Variants in TPH1 observed in about 807,000 individuals in gnomAD.
The protein encoded by TPH1 is tryptophan hydroxylase 1.
In TPH1, 37 loss-of-function variants were observed where a neutral mutation model predicts 49.5. The ratio of observed to expected loss-of-function variants is 0.75; its 90% CI spans 0.58 to 0.98. The LOEUF (loss-of-function observed/expected upper bound fraction) is 0.98, where lower values mean the gene tolerates loss of function less well. TPH1 is among the 50% of genes least tolerant of loss of function. The pLI is 0.00. For synonymous variants in TPH1, 160 were observed against 182.1 expected (o/e 0.88, Z 0.98); for missense variants, 487 against 523.6 (o/e 0.93, Z 0.68).
chr11:18,021,465 T>C (rs1000766162), intron 10 of TPH1, among the ~76,000 whole-genome samples: 2 of 152,246 alleles, frequency 1.3e-5, no homozygotes, highest in Non-Finnish European at 2.9e-5. Flanking sequence ...CATTTATTAC[T>C]GTATACATCT....
chr11:18,042,413 T>TG (rs1848106300), intron 1 of TPH1: 1 of 450,614 alleles, frequency 2.2e-6, no homozygotes, highest in Non-Finnish European at 4.4e-6. Flanking sequence ...ACACAGAGTA[T>TG]GGGCGACGTT....
chr11:18,026,720 G>A, intron 6 of TPH1, 95 bp from the exon 7 acceptor site: 2 of 1,451,612 alleles, frequency 1.4e-6, no homozygotes, highest in Non-Finnish European at 1.9e-6. Flanking sequence ...GTAACACGTT[G>A]ATGGAAGGCA....
At chr11:18,027,924 T>C (rs1392540240) in intron 6 of TPH1, among the ~76,000 whole-genome samples, 1 of 152,258 alleles carries the variant, frequency 6.6e-6, no homozygotes, top group Non-Finnish European at 1.5e-5. Context: ...TGTTGAATAC[T>C]GTTAAGGAGT....
At chr11:18,033,447 G>T (rs893719816) in intron 3 of TPH1, 73 bp from the exon 4 acceptor site, 3 of 1,196,420 alleles carry the variant, frequency 2.5e-6, no homozygotes, top group African/African-American at 3.1e-5. Context: ...AGACAATAAA[G>T]AAGATAAAAT....
At chr11:18,043,436 C>T (rs1228562865) in intron 1 of TPH1, among the ~76,000 whole-genome samples, 1 of 152,128 alleles carries the variant, frequency 6.6e-6, no homozygotes, top group African/African-American at 2.4e-5. Context: ...GAAACCCCGT[C>T]TCTACTAAAA....
intron 10 of TPH1, among the ~76,000 whole-genome samples, chr11:18,021,631 A>AAC (rs139274033): frequency 1.8e-3 from 273 of 151,698 alleles, no homozygotes; most frequent in African/African-American, 6.1e-3. Context: ...TATAACATAT[A>AAC]ACACACACAC....
In TPH1 at chr11:18,020,785, A is replaced by AT; in HGVS notation, c.*205_*206insA. The AT allele has an allele frequency of 1.8e-6, 1 of 545,604 alleles. No individual in the cohort carries two copies. The highest frequency in any genetic ancestry group is 3.1e-5 in the Admixed American group (1 of 32,026). The allele number at this position is 545,604 out of a possible 1,614,324, so 33.8% of individuals were successfully genotyped here. On this transcript the variant is annotated 3_prime_UTR_variant, in exon 11 of 11. Coordinates refer to ENST00000682019, the MANE Select transcript of TPH1 (RefSeq NM_004179.3). Reference sequence around the variant, plus strand: ...ATTAAAGCTGCTACCAAAAAAAAAAAGAAATAAAACTAAACAAAAAAATAA... The same window carrying AT: ...ATTAAAGCTGCTACCAAAAAAAAAAATGAAATAAAACTAAACAAAAAAATAA...
chr11:18,021,178 A>G lies in TPH1; in HGVS notation c.1161-13T>C, dbSNP rs914426548. The G allele has an allele frequency of 3.1e-6, 5 of 1,610,766 alleles. No individual in the cohort carries two copies. Among genetic ancestry groups the G allele is most frequent in the Non-Finnish European group, 4.2e-6 (5 of 1,177,046 alleles). ...TTTGGTAAATTCTCTATTTAAGAAA[A>G]CAAATAGGAGACAATCAATTTCTAG... On this transcript the variant is annotated splice_polypyrimidine_tract_variant and intron_variant, in intron 10 of 10. Transcript: ENST00000682019.
rs114409610 is a variant in TPH1, at chr11:18,030,650, A to G, written c.403-1071T>C. ...ACCTGTTATTGTAAAATGATACAATAAATGTCTCATCATATTGTACAGAAC... is the reference window on the plus strand; with the variant it reads ...ACCTGTTATTGTAAAATGATACAATGAATGTCTCATCATATTGTACAGAAC... On this transcript the variant is annotated intron_variant, in intron 4 of 10. Transcript: ENST00000682019. 3.3e-3 allele frequency among the ~76,000 whole-genome samples: 509 copies of G among 152,310 alleles called. 4 individuals are homozygous for G. The highest frequency in any genetic ancestry group is 0.012 in the African/African-American group (485 of 41,560).
Position 18,040,588 on chromosome 11 carries a change from A to G in TPH1, c.117+58T>C, listed in dbSNP as rs1295191405. 5 of 1,521,994 alleles carry G rather than the reference A, an allele frequency of 3.3e-6. No homozygotes were observed. The African/African-American group carries it at 5.5e-5, about 17-fold the overall frequency. The allele number at this position is 1,521,994 out of a possible 1,614,324, so 94.3% of individuals were successfully genotyped here. A position where few individuals can be genotyped will look rare whatever the true frequency, so the allele number is the denominator to read the frequency against. Reference sequence around the variant, plus strand: ...TGCTATGTTGCCCTATATTTTAAATATAGTTTTAGAGATTCATTTCTAGAA... The same window carrying G: ...TGCTATGTTGCCCTATATTTTAAATGTAGTTTTAGAGATTCATTTCTAGAA... On this transcript the variant is annotated intron_variant, in intron 2 of 10. Transcript: ENST00000682019.
In TPH1 at chr11:18,021,061, T is replaced by C. The variant is rs1314850934; in HGVS notation, c.1265A>G (p.Asn422Ser). 1 of 1,614,080 alleles carries C rather than the reference T, an allele frequency of 6.2e-7. No individual in the cohort carries two copies. Among genetic ancestry groups the C allele is most frequent in the Admixed American group, 1.7e-5 (1 of 60,010 alleles). ...KDTKSITSAM[N>S]ELQHDLDVVS... ...AACATCGAGATCATGCTGCAGCTCA[T>C]TCATGGCACTGGTTATGCTCTTGGT... The change falls in exon 11 of 11, where the codon AAT (asparagine) becomes AGT (serine). Residue 422 changes from asparagine (N) to serine (S), a missense_variant. Coordinates refer to ENST00000682019, the MANE Select transcript of TPH1 (RefSeq NM_004179.3).
In TPH1 at chr11:18,019,461, G is replaced by A. The variant is rs1034715819; in HGVS notation, c.*1530C>T. ...TCAATTTGAGATGCTTGGCAGGGCT[G>A]TCATATTGAACAACCCCTATTCATT... is the stretch of plus-strand genomic sequence containing the variant. On this transcript the variant is annotated 3_prime_UTR_variant, in exon 11 of 11. Coordinates refer to ENST00000682019, the MANE Select transcript of TPH1 (RefSeq NM_004179.3). 1.5e-5 allele frequency: 5 copies of A among 339,828 alleles called. No homozygotes were observed. In the Admixed American group the frequency reaches 2.1e-4, roughly 14 times the overall value. 21.1% of individuals were successfully genotyped at this position (339,828 alleles called of 1,614,324 possible).
chr11:18,032,537 CTTTTTT>C (rs34366393), intron 4 of TPH1, among the ~76,000 whole-genome samples: 25 of 86,328 alleles, frequency 2.9e-4, no homozygotes, highest in African/African-American at 1.3e-3. Context: ...TTGTTGAAAT[CTTTTTT>C]TTTTTTTTTT....
intron 4 of TPH1, 43 bp from the exon 5 acceptor site, chr11:18,029,622 T>C (rs1470144326): frequency 2.7e-6 from 4 of 1,486,086 alleles, no homozygotes; most frequent in Non-Finnish European, 3.7e-6. Flanking sequence ...TACTAAAAAA[T>C]ACTTGACAAA....
At chr11:18,026,420 A>C (rs491779) in intron 7 of TPH1, 70 bp downstream of exon 7, 2 of 1,216,010 alleles carry the variant, frequency 1.6e-6, no homozygotes, top group Non-Finnish European at 2.3e-6. Flanking sequence ...AAAAAAAAGA[A>C]CCCATAAGGT....
chr11:18,044,750 G>GAAAAC (rs112369278), intron 1 of TPH1, among the ~76,000 whole-genome samples: 66 of 149,860 alleles, frequency 4.4e-4, no homozygotes, highest in East Asian at 3.9e-3. Flanking sequence ...ACTCTTTCAG[G>GAAAAC]AAAACAAAAC....
chr11:18,037,900 AGCTCCACAGTCCATGT>A (rs1200446184), intron 2 of TPH1, among the ~76,000 whole-genome samples: 7 of 152,246 alleles, frequency 4.6e-5, no homozygotes, highest in African/African-American at 1.4e-4. Context: ...TAGTCTGTCC[AGCTCCACAGTCCATGT>A]GCTTAAACAC....
At chr11:18,025,495 T>G in intron 8 of TPH1, 80 bp downstream of exon 8, 1 of 1,596,672 alleles carries the variant, frequency 6.3e-7, no homozygotes, top group Non-Finnish European at 8.6e-7. Context: ...TAATGGTCAT[T>G]CTGAATATGT....
At chr11:18,038,603 C>T (rs1249484429) in intron 2 of TPH1, among the ~76,000 whole-genome samples, 7 of 152,064 alleles carry the variant, frequency 4.6e-5, no homozygotes, top group African/African-American at 7.2e-5. Flanking sequence ...CACAAATCAA[C>T]GATGATAGTG....
Sources: allele counts gnomAD v4.1 joint callset (sites outside exome capture counted in the v4.1 genomes callset), GRCh38; gene constraint gnomAD v4.1.1; transcripts MANE v1.5; gene names NCBI Gene and HGNC (gene_info 2026-07-23, HGNC 2026-07-21).